The following PARD3B variants were observed in gnomAD, a reference collection of about 807,000 sequenced individuals.
PARD3B encodes par-3 family cell polarity regulator beta.
PARD3B carries 103 observed loss-of-function variants against 130.2 expected under a neutral mutation model. That is an observed-to-expected ratio of 0.79 (90% CI 0.67 to 0.93). The LOEUF is 0.93. PARD3B is among the 40% of genes least tolerant of loss of function. The pLI is 0.00. For synonymous variants in PARD3B, 583 were observed against 553.2 expected, an observed-to-expected ratio of 1.05 and a Z score of -0.76; for missense variants, 1,609 against 1,499.2, an observed-to-expected ratio of 1.07 and a Z score of -1.21.
chr2:205,060,055 T>A (rs1699977326), intron 4 of PARD3B, among the ~76,000 whole-genome samples: 1 of 152,110 alleles, frequency 6.6e-6, no homozygotes, highest in African/African-American at 2.4e-5. Context: ...CAAGTAGCAG[T>A]GCTAGGATTC....
At chr2:205,486,196 C>A (rs890318528) in intron 20 of PARD3B, among the ~76,000 whole-genome samples, 2 of 152,178 alleles carry the variant, frequency 1.3e-5, no homozygotes, top group African/African-American at 4.8e-5. Flanking sequence ...GAAGAGAAAG[C>A]CAGCATTCCC....
intron 21 of PARD3B, among the ~76,000 whole-genome samples, chr2:205,522,282 C>A (rs868779542): frequency 6.7e-6 from 1 of 150,106 alleles, no homozygotes. Context: ...AGCTAATGTT[C>A]TTTTTTTTTC....
intron 16 of PARD3B, among the ~76,000 whole-genome samples, chr2:205,255,536 T>A (rs2040045242): frequency 6.6e-6 from 1 of 152,126 alleles, no homozygotes; most frequent in Admixed American, 6.5e-5. Flanking sequence ...TCCACAAGCC[T>A]GTCCCATTCA....
chr2:204,706,280 T>C lies in PARD3B; in HGVS notation c.222+19998T>C, dbSNP rs568824045. Among the ~76,000 whole-genome samples, 5 of 150,604 alleles carry C rather than the reference T, an allele frequency of 3.3e-5. No homozygotes were observed. In the South Asian group the frequency reaches 1.0e-3, roughly 32 times the overall value. ...CACTCGGGAGGCTGAGGCAGGAGAA[T>C]CGCTTGAACCTAGGAGGCAGAGGTT... On this transcript the variant is annotated intron_variant, in intron 2 of 22. Coordinates refer to ENST00000406610, the MANE Select transcript of PARD3B (RefSeq NM_001302769.2).
rs1687653193 is a variant in PARD3B at position 204,926,750 on chromosome 2, C to T, written c.223-38402C>T. ...TACAGTATACCAGAACCCAAGGATA[C>T]ACTCTAGCAATTTCTAAATATTCAA... On this transcript the variant is annotated intron_variant, in intron 2 of 22. Coordinates refer to ENST00000406610, the MANE Select transcript of PARD3B (RefSeq NM_001302769.2). 4.6e-5 allele frequency among the ~76,000 whole-genome samples: 7 copies of T among 152,236 alleles called. No homozygotes were observed. In the South Asian group the frequency reaches 1.2e-3, roughly 27 times the overall value.
intron 18 of PARD3B, among the ~76,000 whole-genome samples, chr2:205,331,938 A>G (rs1574723260): frequency 6.6e-6 from 1 of 151,574 alleles, no homozygotes; most frequent in African/African-American, 2.4e-5. Context: ...ACCCCATCTC[A>G]ACTAAAAATA....
At chr2:205,242,342 TTGTTAAGCCTAATA>T (rs1357568152) in intron 15 of PARD3B, among the ~76,000 whole-genome samples, 1 of 152,194 alleles carries the variant, frequency 6.6e-6, no homozygotes, top group Non-Finnish European at 1.5e-5. Flanking sequence ...AGAAGATAAT[TTGTTAAGCCTAATA>T]TGGCCAGGGA....
intron 15 of PARD3B, among the ~76,000 whole-genome samples, chr2:205,218,252 G>A (rs1176930635): frequency 6.6e-6 from 1 of 151,926 alleles, no homozygotes; most frequent in Non-Finnish European, 1.5e-5. Context: ...AAACAGGCAA[G>A]GGTTTTATTT....
At chr2:205,476,255 G>C (rs1420278553) in intron 20 of PARD3B, among the ~76,000 whole-genome samples, 1 of 152,148 alleles carries the variant, frequency 6.6e-6, no homozygotes, top group Admixed American at 6.5e-5. Context: ...AGTGCACCTA[G>C]GCAGACCTCC....
At chr2:205,495,284 A>G (rs1197368958) in intron 20 of PARD3B, among the ~76,000 whole-genome samples, 1 of 152,216 alleles carries the variant, frequency 6.6e-6, no homozygotes, top group Non-Finnish European at 1.5e-5. Flanking sequence ...ATTACAATAT[A>G]CATCATGTTA....
intron 21 of PARD3B, among the ~76,000 whole-genome samples, chr2:205,524,242 G>A (rs534313966): frequency 2.0e-5 from 3 of 152,098 alleles, no homozygotes; most frequent in African/African-American, 4.8e-5. Context: ...GTTGGTTTCT[G>A]CTGTTTTCTT....
chr2:204,986,704 A>C (rs910191720), intron 3 of PARD3B, among the ~76,000 whole-genome samples: 4 of 152,180 alleles, frequency 2.6e-5, no homozygotes, highest in African/African-American at 9.7e-5. Context: ...AAAAATTCCT[A>C]ATGTGATAGC....
intron 3 of PARD3B, among the ~76,000 whole-genome samples, chr2:205,018,848 G>A (rs536487334): frequency 6.8e-6 from 1 of 147,572 alleles, no homozygotes; most frequent in African/African-American, 2.5e-5. Flanking sequence ...TAAAGACATT[G>A]CCATCACCAG....
At chr2:205,156,323 T>C (rs1471509188) in intron 10 of PARD3B, among the ~76,000 whole-genome samples, 1 of 150,960 alleles carries the variant, frequency 6.6e-6, no homozygotes, top group African/African-American at 2.4e-5. Flanking sequence ...AATGACGAGT[T>C]AATGGGTGCA....
At chr2:204,622,653 A>G (rs2034347005) in intron 1 of PARD3B, among the ~76,000 whole-genome samples, 1 of 151,922 alleles carries the variant, frequency 6.6e-6, no homozygotes, top group African/African-American at 2.4e-5. Flanking sequence ...TATTTATTAC[A>G]TTGCTATTAT....
intron 2 of PARD3B, among the ~76,000 whole-genome samples, chr2:204,884,683 C>T (rs2046207607): frequency 6.6e-6 from 1 of 152,138 alleles, no homozygotes. Context: ...CATTCAGCTC[C>T]CACTTGTAAG....
intron 1 of PARD3B, 97 bp downstream of exon 1, chr2:204,546,216 G>A: frequency 4.0e-6 from 6 of 1,487,550 alleles, no homozygotes; most frequent in Non-Finnish European, 4.5e-6. Context: ...AAACCCAGGG[G>A]ATTATGGGGC....
intron 15 of PARD3B, among the ~76,000 whole-genome samples, chr2:205,210,554 C>G (rs998801138): frequency 2.0e-5 from 3 of 152,062 alleles, no homozygotes; most frequent in African/African-American, 7.2e-5. Context: ...GTACATCAAC[C>G]TTTGTAAACA....
At chr2:204,762,609 T>C (rs1202743210) in intron 2 of PARD3B, among the ~76,000 whole-genome samples, 1 of 152,174 alleles carries the variant, frequency 6.6e-6, no homozygotes, top group Non-Finnish European at 1.5e-5. Flanking sequence ...AGTATGGGAA[T>C]TGGAGTTTTA....
Sources: gnomAD v4.1 joint callset for allele counts (sites outside exome capture counted in the v4.1 genomes callset) on GRCh38, gnomAD v4.1.1 for gene constraint, MANE v1.5 for transcripts, NCBI Gene and HGNC (gene_info 2026-07-23, HGNC 2026-07-21) for gene names.